KLHL32: variants seen among roughly 807,000 people sequenced by gnomAD.
KLHL32 encodes the protein kelch-like protein 32.
Under a neutral mutation model 64.8 loss-of-function variants are expected in KLHL32, and 35 were observed. The ratio of observed to expected loss-of-function variants is 0.54; its 90% CI spans 0.41 to 0.72. The LOEUF is 0.72. Ranked by LOEUF, KLHL32 falls within the 30% of genes least tolerant of loss-of-function variation. KLHL32 has a pLI of 0.00. For missense variants in KLHL32, 589 were observed against 768.5 expected (o/e 0.77, Z 2.76); for synonymous variants, 259 against 281.0 (o/e 0.92, Z 0.78).
At chr6:97,092,809 A>C (rs1794455514) in intron 6 of KLHL32, among the ~76,000 whole-genome samples, 1 of 152,128 alleles carries the variant, frequency 6.6e-6, no homozygotes, top group African/African-American at 2.4e-5. Context: ...GACGCATGAC[A>C]TGTTCATTTC....
At chr6:96,988,942 T>C (rs930268701) in intron 3 of KLHL32, among the ~76,000 whole-genome samples, 15 of 147,084 alleles carry the variant, frequency 1.0e-4, no homozygotes, top group Non-Finnish European at 1.6e-4. Flanking sequence ...CATCACACAC[T>C]GGGGCCTGTT....
chr6:96,918,383 C>T, the KLHL32 span, among the ~76,000 whole-genome samples: 1 of 152,176 alleles, frequency 6.6e-6, no homozygotes, highest in Non-Finnish European at 1.5e-5. Context: ...TTTTTACCTT[C>T]AGGCTGATAT....
At chr6:96,929,733 A>G (rs1387221274) in intron 1 of KLHL32, among the ~76,000 whole-genome samples, 1 of 152,142 alleles carries the variant, frequency 6.6e-6, no homozygotes, top group East Asian at 1.9e-4. Context: ...ATTTAATTTA[A>G]CTTGATTTTG....
chr6:96,973,754 G>A lies in KLHL32; in HGVS notation c.24-2243G>A, dbSNP rs553907965. On this transcript the variant is annotated intron_variant, in intron 2 of 10. Coordinates refer to ENST00000369261, the MANE Select transcript of KLHL32 (RefSeq NM_052904.4). ...CCTTTTTTTTTTTAGACAGAGTCTCGCTCTGTTGCCCAGGCTGGAGTGCAG... is the reference window on the plus strand; with the variant it reads ...CCTTTTTTTTTTTAGACAGAGTCTCACTCTGTTGCCCAGGCTGGAGTGCAG... Among the ~76,000 whole-genome samples the A allele has an allele frequency of 2.3e-4, 11 of 47,068 alleles. No individual in the cohort carries two copies. In the East Asian group the frequency reaches 4.0e-3, roughly 17 times the overall value. The allele number at this position is 47,068 out of a possible 152,430, so 30.9% of individuals were successfully genotyped here. A position where few individuals can be genotyped will look rare whatever the true frequency, so the allele number is the denominator to read the frequency against.
At chr6:97,040,069 A>T (rs775028004) in intron 3 of KLHL32, among the ~76,000 whole-genome samples, 1 of 152,128 alleles carries the variant, frequency 6.6e-6, no homozygotes. Flanking sequence ...ATATTGATAC[A>T]TTGGCAAAAG....
chr6:97,112,540 G>A (rs1053926417), intron 6 of KLHL32, among the ~76,000 whole-genome samples: 13 of 151,506 alleles, frequency 8.6e-5, no homozygotes, highest in African/African-American at 2.7e-4. Flanking sequence ...TCCACCTCCC[G>A]GGTTCAAGCA....
intron 1 of KLHL32, among the ~76,000 whole-genome samples, chr6:96,933,674 C>T (rs1291466235): frequency 6.6e-6 from 1 of 152,182 alleles, no homozygotes; most frequent in East Asian, 1.9e-4. Flanking sequence ...ATAGCACCCA[C>T]CAGTATCTCA....
At chr6:97,132,530 A>G (rs1799543927) in intron 9 of KLHL32, 123 bp from the exon 10 acceptor site, 26 of 681,366 alleles carry the variant, frequency 3.8e-5, no homozygotes, top group South Asian at 2.5e-4. Flanking sequence ...AGTTGCTGCA[A>G]AAATCCCATG....
At chr6:96,921,999 G>C (rs1030061301), upstream of KLHL32, among the ~76,000 whole-genome samples, 2 of 152,200 alleles carry the variant, frequency 1.3e-5, no homozygotes, top group African/African-American at 2.4e-5. Context: ...TTAAGAAAGT[G>C]AAAGAGGTTT....
intron 3 of KLHL32, among the ~76,000 whole-genome samples, chr6:96,993,030 G>T (rs1251290363): frequency 1.3e-5 from 2 of 152,216 alleles, no homozygotes; most frequent in Admixed American, 1.3e-4. Context: ...GCCGAATAAA[G>T]TTGGAGCAGT....
intron 1 of KLHL32, among the ~76,000 whole-genome samples, chr6:96,958,296 T>C (rs2128021141): frequency 6.6e-6 from 1 of 152,274 alleles, no homozygotes; most frequent in East Asian, 1.9e-4. Flanking sequence ...TGAGTGGGGA[T>C]CTATAGGTGC....
intron 1 of KLHL32, among the ~76,000 whole-genome samples, chr6:96,936,864 G>A (rs1243609960): frequency 2.6e-5 from 4 of 152,084 alleles, no homozygotes; most frequent in Non-Finnish European, 5.9e-5. Context: ...CCCTCGGCCT[G>A]GAATGCCCTG....
At chr6:97,044,906 T>A (rs1290530423) in intron 4 of KLHL32, among the ~76,000 whole-genome samples, 1 of 152,068 alleles carries the variant, frequency 6.6e-6, no homozygotes, top group Admixed American at 6.6e-5. Context: ...CTCGTTTTTT[T>A]TCTTAGTCTG....
chr6:96,952,223 A>G (rs1393478955), intron 1 of KLHL32, among the ~76,000 whole-genome samples: 1 of 152,212 alleles, frequency 6.6e-6, no homozygotes, highest in Non-Finnish European at 1.5e-5. Context: ...GTAAATAATT[A>G]TCTTACTTGT....
chr6:97,096,067 A>G (rs1212954147), intron 6 of KLHL32, among the ~76,000 whole-genome samples: 1 of 152,174 alleles, frequency 6.6e-6, no homozygotes, highest in Non-Finnish European at 1.5e-5. Flanking sequence ...GGAAAATTCA[A>G]GACTGTTATT....
the KLHL32 span, among the ~76,000 whole-genome samples, chr6:96,912,621 G>T: frequency 2.0e-5 from 3 of 152,058 alleles, no homozygotes; most frequent in African/African-American, 4.8e-5. Flanking sequence ...AATAATATTT[G>T]CTCCATGAAT....
intron 4 of KLHL32, among the ~76,000 whole-genome samples, chr6:97,054,650 C>A (rs978182784): frequency 1.3e-5 from 2 of 152,182 alleles, no homozygotes; most frequent in East Asian, 3.8e-4. Context: ...AAAAATAAGA[C>A]AGTAATTTGC....
chr6:97,014,177 G>T (rs1582708136), intron 3 of KLHL32, among the ~76,000 whole-genome samples: 2 of 151,834 alleles, frequency 1.3e-5, no homozygotes, highest in Non-Finnish European at 1.5e-5. Flanking sequence ...GCCTGTAGTC[G>T]CAGCTACTCG....
chr6:97,014,252 G>A (rs949331468), intron 3 of KLHL32, among the ~76,000 whole-genome samples: 6 of 150,004 alleles, frequency 4.0e-5, no homozygotes, highest in South Asian at 2.1e-4. Flanking sequence ...CCGAAATCGC[G>A]CCACTGCACT....
Sources: gnomAD v4.1 joint callset for allele counts (sites outside exome capture counted in the v4.1 genomes callset) on GRCh38, gnomAD v4.1.1 for gene constraint, MANE v1.5 for transcripts, NCBI Gene and HGNC (gene_info 2026-07-23, HGNC 2026-07-21) for gene names.